CACNG2: variants seen among roughly 807,000 people sequenced by gnomAD.
CACNG2 encodes the protein calcium voltage-gated channel auxiliary subunit gamma 2.
In CACNG2, 3 loss-of-function variants were observed where a neutral mutation model predicts 25.9. The observed-to-expected ratio is 0.12, with a 90% CI of 0.05 to 0.30. The LOEUF (loss-of-function observed/expected upper bound fraction) is 0.30. Ranked by LOEUF, CACNG2 falls within the 10% of genes least tolerant of loss-of-function variation. The probability of loss-of-function intolerance (pLI) is 1.00; values close to 1 mark genes in which losing one functional copy is unlikely to be tolerated. For synonymous variants in CACNG2, 167 were observed against 173.3 expected (o/e 0.96, Z 0.29); for missense variants, 341 against 432.5 (o/e 0.79, Z 1.88).
intron 1 of CACNG2, among the ~76,000 whole-genome samples, chr22:36,621,875 G>A (rs1569032193): frequency 6.6e-6 from 1 of 152,210 alleles, no homozygotes; most frequent in Non-Finnish European, 1.5e-5. Context: ...TCTTCAGCCA[G>A]TGAAGACAAA....
intron 1 of CACNG2, among the ~76,000 whole-genome samples, chr22:36,664,994 C>G (rs554066613): frequency 6.6e-6 from 1 of 151,992 alleles, no homozygotes; most frequent in African/African-American, 2.4e-5. Context: ...AGGAAGCTGG[C>G]GAGAGTGGGA....
intron 1 of CACNG2, among the ~76,000 whole-genome samples, chr22:36,650,183 G>A (rs1936586520): frequency 6.6e-6 from 1 of 152,116 alleles, no homozygotes; most frequent in Non-Finnish European, 1.5e-5. Flanking sequence ...GGTCAAGTTA[G>A]GTCACTTCTC....
At chr22:36,644,115 C>T (rs774003946) in intron 1 of CACNG2, among the ~76,000 whole-genome samples, 27 of 152,228 alleles carry the variant, frequency 1.8e-4, no homozygotes, top group South Asian at 2.1e-4. Context: ...AAAGACACAC[C>T]CATATGCAAC....
intron 1 of CACNG2, among the ~76,000 whole-genome samples, chr22:36,597,865 G>A (rs1935700679): frequency 6.6e-6 from 1 of 152,230 alleles, no homozygotes; most frequent in Admixed American, 6.5e-5. Flanking sequence ...GTTGGGTAGC[G>A]AGGCTGTCAA....
chr22:36,587,657 C>T (rs368843773), intron 1 of CACNG2, 109 bp from the exon 2 acceptor site: 51 of 801,574 alleles, frequency 6.4e-5, no homozygotes, highest in East Asian at 3.2e-4. Flanking sequence ...ACTCAGCCCT[C>T]TCCCTCACCC....
chr22:36,585,338 G>C (rs1027681888), intron 2 of CACNG2: 1 of 152,196 alleles, frequency 6.6e-6, no homozygotes, highest in African/African-American at 2.4e-5. Flanking sequence ...GGTAGGGACT[G>C]GGGGCAGGGG....
In CACNG2 at chr22:36,606,810, C is replaced by T. The variant is rs1288669600; in HGVS notation, c.212-19262G>A. Among the ~76,000 whole-genome samples, 1 of 146,984 alleles carries T rather than the reference C, an allele frequency of 6.8e-6. No homozygotes were observed. The highest frequency in any genetic ancestry group is 2.5e-5 in the African/African-American group (1 of 39,334). ...TTTGTATGTATGTGTGTGTGTATGT[C>T]TGTGTGATGTGTGTGTCTGTGGGTC... On this transcript the variant is annotated intron_variant, in intron 1 of 3. Coordinates refer to ENST00000300105, the MANE Select transcript of CACNG2 (RefSeq NM_006078.5). The surrounding 1 kb of genome is among the most constrained non-coding windows in gnomAD (Gnocchi z 5.7).
At chr22:36,587,760 C>T (rs542201063) in intron 1 of CACNG2, among the ~76,000 whole-genome samples, 60 of 152,324 alleles carry the variant, frequency 3.9e-4, no homozygotes, top group African/African-American at 1.4e-3. Flanking sequence ...CTAAAGCCGA[C>T]GACTTCAAAA....
chr22:36,610,887 G>A (rs376560107), intron 1 of CACNG2, among the ~76,000 whole-genome samples: 5 of 152,204 alleles, frequency 3.3e-5, no homozygotes, highest in Non-Finnish European at 4.4e-5. Flanking sequence ...GAGTGGGCAC[G>A]GGGAAGACCC....
At chr22:36,585,830 T>A (rs1316999426) in intron 2 of CACNG2, among the ~76,000 whole-genome samples, 1 of 152,264 alleles carries the variant, frequency 6.6e-6, no homozygotes, top group African/African-American at 2.4e-5. Flanking sequence ...TGCTCTATGC[T>A]CTTCTTTCTT....
At chr22:36,612,580 G>C (rs1935959624) in intron 1 of CACNG2, among the ~76,000 whole-genome samples, 1 of 152,166 alleles carries the variant, frequency 6.6e-6, no homozygotes, top group Non-Finnish European at 1.5e-5. Flanking sequence ...TTGGAGGAGA[G>C]AGGCCACCTC....
In CACNG2 at chr22:36,587,582, A is replaced by G. The variant is rs370856595; in HGVS notation, c.212-34T>C. 3.6e-4 allele frequency: 551 copies of G among 1,535,254 alleles called. 7 individuals are homozygous for G. In the South Asian group the frequency reaches 5.7e-3, roughly 16 times the overall value. On this transcript the variant is annotated intron_variant, in intron 1 of 3. Transcript: ENST00000300105. ...CAAGGGGAGAAGGAGCACATGAAAC[A>G]TCATAGTTTTGGGGGCGCTTAGGGC...
chr22:36,582,568 G>A (rs1342392066), intron 2 of CACNG2, among the ~76,000 whole-genome samples: 1 of 151,866 alleles, frequency 6.6e-6, no homozygotes, highest in Non-Finnish European at 1.5e-5. Context: ...ACCACGCCTG[G>A]CTAAATTTTT....
At chr22:36,587,644 C>T in intron 1 of CACNG2, 96 bp from the exon 2 acceptor site, 1 of 853,514 alleles carries the variant, frequency 1.2e-6, no homozygotes, top group Non-Finnish European at 2.1e-6. Context: ...TCTTTGGAAA[C>T]TCACTCAGCC....
At chr22:36,693,159 A>G (rs888200579) in intron 1 of CACNG2, among the ~76,000 whole-genome samples, 23 of 152,164 alleles carry the variant, frequency 1.5e-4, no homozygotes, top group African/African-American at 5.1e-4. Flanking sequence ...AAAAGAAAAA[A>G]GGGGACAGGA....
At chr22:36,587,711 G>C (rs1180772803) in intron 1 of CACNG2, among the ~76,000 whole-genome samples, 163 bp from the exon 2 acceptor site, 1 of 152,226 alleles carries the variant, frequency 6.6e-6, no homozygotes, top group Non-Finnish European at 1.5e-5. Context: ...TCTGCCTGGT[G>C]AATCACAACA....
intron 1 of CACNG2, among the ~76,000 whole-genome samples, chr22:36,619,822 G>T (rs1014916131): frequency 2.6e-5 from 4 of 152,228 alleles, no homozygotes; most frequent in African/African-American, 9.6e-5. Flanking sequence ...TAAGGTAAAA[G>T]ATTTTAATCT....
chr22:36,588,984 AC>A (rs1555894094), intron 1 of CACNG2, among the ~76,000 whole-genome samples: 8 of 115,076 alleles, frequency 7.0e-5, no homozygotes, highest in African/African-American at 2.6e-4. Flanking sequence ...TATTACATAT[AC>A]CTTTTTTTTT....
chr22:36,689,187 T>C (rs1937238894), intron 1 of CACNG2, among the ~76,000 whole-genome samples: 1 of 152,124 alleles, frequency 6.6e-6, no homozygotes. Flanking sequence ...CTGTCTATTC[T>C]AGGCTTTGGT....
Sources: allele counts gnomAD v4.1 joint callset (sites outside exome capture counted in the v4.1 genomes callset), GRCh38; gene constraint gnomAD v4.1.1; non-coding constraint Gnocchi (gnomAD v3.1); transcripts MANE v1.5; gene names NCBI Gene and HGNC (gene_info 2026-07-23, HGNC 2026-07-21).